The following GALNT13 variants were observed in gnomAD, a reference collection of about 807,000 sequenced individuals.
GALNT13 encodes the protein UDP-GalNAc:polypeptide N-acetylgalactosaminyltransferase 13.
In GALNT13, 28 loss-of-function variants were observed where a neutral mutation model predicts 64.2. The observed-to-expected ratio is 0.44, with a 90% confidence interval of 0.32 to 0.60. The LOEUF (loss-of-function observed/expected upper bound fraction) is 0.60. GALNT13 is among the 20% of genes least tolerant of loss of function. The pLI is 0.05. For missense variants in GALNT13, 577 were observed against 669.8 expected (o/e 0.86, Z 1.53); for synonymous variants, 214 against 224.6 (o/e 0.95, Z 0.42).
At chr2:153,919,977 A>G (rs1350382755) in intron 2 of GALNT13, among the ~76,000 whole-genome samples, 1 of 147,166 alleles carries the variant, frequency 6.8e-6, no homozygotes, top group Admixed American at 6.8e-5. Context: ...TATATATAAT[A>G]CAGTTATATT....
At chr2:153,145,900 A>C in the GALNT13 span, among the ~76,000 whole-genome samples, 3 of 151,898 alleles carry the variant, frequency 2.0e-5, no homozygotes, top group Non-Finnish European at 4.4e-5. Flanking sequence ...GGAACTCAAC[A>C]TAATAAACAT....
intron 10 of GALNT13, among the ~76,000 whole-genome samples, chr2:154,407,508 C>T (rs1699602706): frequency 6.6e-6 from 1 of 152,112 alleles, no homozygotes; most frequent in African/African-American, 2.4e-5. Flanking sequence ...AGCTGCAGGT[C>T]CTGAAAGGTC....
At chr2:154,305,798 A>G (rs1440956408) in intron 9 of GALNT13, among the ~76,000 whole-genome samples, 1 of 152,196 alleles carries the variant, frequency 6.6e-6, no homozygotes, top group African/African-American at 2.4e-5. Context: ...GTTTGATAAC[A>G]TGGGCAAACC....
intron 3 of GALNT13, among the ~76,000 whole-genome samples, chr2:154,119,539 C>T (rs6710358): frequency 0.18 from 27,684 of 152,010 alleles, 4,629 homozygotes; most frequent in East Asian, 0.74. Context: ...CTTTCTTCTC[C>T]TCCTGCAACT....
At position 154,438,629 on chromosome 2, in the gene GALNT13, A is replaced by T; in HGVS notation, c.1433A>T (p.Asp478Val). The change falls in exon 12 of 13, where the codon GAT (aspartate) becomes GTT (valine). Residue 478 changes from aspartate to valine, a missense_variant. Asp to Val is a radical substitution (Grantham distance 152). Coordinates refer to ENST00000392825, the MANE Select transcript of GALNT13 (RefSeq NM_052917.4). ...SYTADKEIRT[D>V]DLCLDVSRLN... ...ACTGCTGACAAAGAAATCCGAACCG[A>T]TGACTTGTGCTTGGATGTTTCTAGA... The T allele has an allele frequency of 6.2e-7, 1 of 1,612,846 alleles. No homozygotes were observed. Among genetic ancestry groups the T allele is most frequent in the Non-Finnish European group, 8.5e-7 (1 of 1,179,056 alleles).
At chr2:153,249,345 A>T in the GALNT13 span, among the ~76,000 whole-genome samples, 1 of 152,208 alleles carries the variant, frequency 6.6e-6, no homozygotes, top group Admixed American at 6.5e-5. Context: ...CTTCAAGGAG[A>T]ACTACAAATC....
intron 9 of GALNT13, among the ~76,000 whole-genome samples, chr2:154,350,408 C>T (rs1046190982): frequency 2.0e-5 from 3 of 152,202 alleles, no homozygotes; most frequent in Non-Finnish European, 4.4e-5. Context: ...TTCCTGCCCT[C>T]CAATGTTGGA....
the GALNT13 span, among the ~76,000 whole-genome samples, chr2:153,719,312 G>T: frequency 6.6e-6 from 1 of 152,094 alleles, no homozygotes; most frequent in Non-Finnish European, 1.5e-5. Flanking sequence ...TCACTAAATT[G>T]TATGTTCAAC....
the GALNT13 span, among the ~76,000 whole-genome samples, chr2:153,455,758 T>C: frequency 6.6e-6 from 1 of 152,248 alleles, no homozygotes; most frequent in East Asian, 1.9e-4. Context: ...GTAGCTGCCC[T>C]CAAGCAGCGA....
chr2:153,264,619 G>T, the GALNT13 span, among the ~76,000 whole-genome samples: 1 of 152,166 alleles, frequency 6.6e-6, no homozygotes, highest in South Asian at 2.1e-4. Flanking sequence ...AAAAAGAAAT[G>T]ACATTAGGTT....
chr2:153,573,854 C>A, the GALNT13 span, among the ~76,000 whole-genome samples: 1 of 152,034 alleles, frequency 6.6e-6, no homozygotes, highest in African/African-American at 2.4e-5. Context: ...TGTCTTTCTA[C>A]TTATGATAAG....
the GALNT13 span, among the ~76,000 whole-genome samples, chr2:153,633,338 A>G: frequency 2.0e-5 from 3 of 152,184 alleles, no homozygotes; most frequent in Admixed American, 1.3e-4. Flanking sequence ...AGAAATAAAT[A>G]TGCTTAAGCT....
the GALNT13 span, among the ~76,000 whole-genome samples, chr2:153,744,426 C>G: frequency 2.6e-5 from 4 of 152,116 alleles, no homozygotes; most frequent in Admixed American, 2.0e-4. Context: ...CTCTGATTAT[C>G]AGTGATGTTC....
intron 8 of GALNT13, among the ~76,000 whole-genome samples, chr2:154,290,516 G>A (rs955129771): frequency 2.6e-5 from 4 of 152,136 alleles, no homozygotes; most frequent in African/African-American, 7.2e-5. Flanking sequence ...AGCTGGAGGC[G>A]GCTTATTCTT....
the GALNT13 span, among the ~76,000 whole-genome samples, chr2:153,395,075 C>T: frequency 2.0e-5 from 3 of 152,174 alleles, no homozygotes; most frequent in Admixed American, 6.5e-5. Context: ...ACCCTCAGGT[C>T]CTTGCCGTGG....
Position 154,254,304 on chromosome 2 carries a change from G to A in GALNT13, c.858-4717G>A, listed in dbSNP as rs1482648770. On this transcript the variant is annotated intron_variant, in intron 7 of 12. Transcript: ENST00000392825. ...GCCCCATTGTTTATTTTGATCCCTC[G>A]TAATCAAATGGCTAGATTACTGATG... is the stretch of plus-strand genomic sequence containing the variant. 4.6e-5 allele frequency among the ~76,000 whole-genome samples: 7 copies of A among 152,284 alleles called. 1 individual carries two copies. In the South Asian group the frequency reaches 6.2e-4, roughly 14 times the overall value.
At chr2:153,356,190 T>G in the GALNT13 span, among the ~76,000 whole-genome samples, 2 of 152,196 alleles carry the variant, frequency 1.3e-5, no homozygotes, top group Non-Finnish European at 2.9e-5. Context: ...AATGCAGAAA[T>G]TATATATCAG....
intron 3 of GALNT13, among the ~76,000 whole-genome samples, chr2:154,087,156 A>G (rs1701571852): frequency 6.6e-6 from 1 of 152,006 alleles, no homozygotes. Context: ...CGTATAACAT[A>G]TTTTTGTTCT....
the GALNT13 span, among the ~76,000 whole-genome samples, chr2:153,182,519 G>A: frequency 1.3e-5 from 2 of 152,138 alleles, no homozygotes; most frequent in African/African-American, 4.8e-5. Context: ...TGTGTTCCAT[G>A]GTGGTTTGCT....
Sources: gnomAD v4.1 joint callset for allele counts (sites outside exome capture counted in the v4.1 genomes callset) on GRCh38, gnomAD v4.1.1 for gene constraint, MANE v1.5 for transcripts, NCBI Gene and HGNC (gene_info 2026-07-23, HGNC 2026-07-21) for gene names.